SLTM: variants seen among roughly 807,000 people sequenced by gnomAD.
SLTM encodes the protein SAFB like transcription modulator, also known as SAFB-like transcription modulator.
Under a neutral mutation model 134.6 loss-of-function variants are expected in SLTM, and 43 were observed. The observed-to-expected ratio is 0.32, with a 90% confidence interval of 0.25 to 0.41. The LOEUF (loss-of-function observed/expected upper bound fraction) is 0.41. Ranked by LOEUF, SLTM falls within the 10% of genes least tolerant of loss-of-function variation. The pLI is 1.00. For missense variants in SLTM, 1,055 were observed against 1,288.8 expected, an observed-to-expected ratio of 0.82 and a Z score of 2.78; for synonymous variants, 424 against 432.3, an observed-to-expected ratio of 0.98 and a Z score of 0.24.
intron 3 of SLTM, among the ~76,000 whole-genome samples, chr15:58,914,295 C>G (rs2036480830): frequency 6.6e-6 from 1 of 152,160 alleles, no homozygotes; most frequent in Non-Finnish European, 1.5e-5. Context: ...CAGCAATCTG[C>G]TTAATTTCCT....
intron 17 of SLTM, 126 bp downstream of exon 17, chr15:58,888,258 CA>C (rs1481899260): frequency 2.7e-6 from 2 of 742,848 alleles, no homozygotes; most frequent in Non-Finnish European, 4.1e-6. Context: ...TTAACAGAAA[CA>C]AAAACCACGT....
intron 19 of SLTM, among the ~76,000 whole-genome samples, chr15:58,886,270 T>C (rs1233322095): frequency 6.8e-6 from 1 of 147,470 alleles, no homozygotes; most frequent in African/African-American, 2.5e-5. Context: ...TGTGTGTATT[T>C]TTTTTTTTTT....
chr15:58,890,508 T>A, intron 14 of SLTM, 47 bp from the exon 15 acceptor site: 1 of 1,534,032 alleles, frequency 6.5e-7, no homozygotes, highest in Non-Finnish European at 8.8e-7. Context: ...GCTAGCACTG[T>A]GTGAAAGAGA....
At position 58,879,809 on chromosome 15, in the gene SLTM, C is replaced by G; in HGVS notation, c.*190G>C. ...AAAAAAAGTTGAATGATACACAAAACTATTAAAAGTTACAACAGAACTATT... is the reference window on the plus strand; with the variant it reads ...AAAAAAAGTTGAATGATACACAAAAGTATTAAAAGTTACAACAGAACTATT... On this transcript the variant is annotated 3_prime_UTR_variant, in exon 21 of 21. Transcript: ENST00000380516. The G allele has an allele frequency of 1.5e-6, 1 of 657,784 alleles. No homozygotes were observed. Among genetic ancestry groups the G allele is most frequent in the South Asian group, 2.9e-5 (1 of 34,154 alleles). The allele number at this position is 657,784 out of a possible 1,614,324, so 40.7% of individuals were successfully genotyped here. A position where few individuals can be genotyped will look rare whatever the true frequency, so the allele number is the denominator to read the frequency against.
chr15:58,899,420 T>C lies in SLTM; in HGVS notation c.1058+49A>G, dbSNP rs763546491. 1.4e-5 allele frequency: 20 copies of C among 1,471,554 alleles called. No homozygotes were observed. Among genetic ancestry groups the C allele is most frequent in the African/African-American group, 4.2e-5 (3 of 71,936 alleles). The allele number at this position is 1,471,554 out of a possible 1,614,324, so 91.2% of individuals were successfully genotyped here. On this transcript the variant is annotated intron_variant, in intron 7 of 20. Coordinates refer to ENST00000380516, the MANE Select transcript of SLTM (RefSeq NM_024755.4). The surrounding 1 kb of genome is among the most constrained non-coding windows in gnomAD (Gnocchi z 5.0). ...ACCCCCTTAATGTAGAGTGATCTTA[T>C]TGAATGCTGGAATTCAGTATCGTAA...
At chr15:58,917,121 A>T (rs1161413949) in intron 2 of SLTM, 122 bp from the exon 3 acceptor site, 1 of 881,420 alleles carries the variant, frequency 1.1e-6, no homozygotes, top group Non-Finnish European at 1.8e-6. Flanking sequence ...GCTAATGTCA[A>T]CTGCTTCTAA....
rs527661691 is a variant in SLTM at position 58,881,107 on chromosome 15, T to C, written c.2997-1000A>G. Among the ~76,000 whole-genome samples the C allele has an allele frequency of 1.3e-4, 20 of 151,860 alleles. No individual in the cohort carries two copies. In the East Asian group the frequency reaches 2.2e-3, roughly 16 times the overall value. On this transcript the variant is annotated intron_variant, in intron 20 of 20. Transcript: ENST00000380516. Reference sequence around the variant, plus strand: ...GCCGAGGCGGGCGGATCAAGGAGAATTGCCTGAACCCGGGAGGCAGAGGTT... The same window carrying C: ...GCCGAGGCGGGCGGATCAAGGAGAACTGCCTGAACCCGGGAGGCAGAGGTT...
At chr15:58,913,759 G>A (rs757736189) in intron 3 of SLTM, 63 bp from the exon 4 acceptor site, 4 of 1,331,222 alleles carry the variant, frequency 3.0e-6, no homozygotes, top group East Asian at 2.3e-5. Context: ...TCCACCAAAC[G>A]TTTTTGGTAA....
intron 5 of SLTM, among the ~76,000 whole-genome samples, chr15:58,904,479 A>G (rs1298590448): frequency 1.3e-5 from 2 of 152,194 alleles, no homozygotes; most frequent in Non-Finnish European, 2.9e-5. Context: ...CAGAACAAGT[A>G]AATGATCAAT....
chr15:58,920,282 C>G (rs2036933656), intron 2 of SLTM, among the ~76,000 whole-genome samples: 1 of 151,852 alleles, frequency 6.6e-6, no homozygotes, highest in African/African-American at 2.4e-5. Context: ...GATCGCCCCA[C>G]TGCACTCATG....
chr15:58,933,436 C>A lies in SLTM; in HGVS notation c.130G>T (p.Val44Phe). The A allele has an allele frequency of 6.3e-7, 1 of 1,593,190 alleles. No homozygotes were observed. The highest frequency in any genetic ancestry group is 1.1e-5 in the South Asian group (1 of 88,770). The change falls in exon 1 of 21, where the codon GTC becomes TTC. Residue 44 changes from valine (V) to phenylalanine (F), a missense_variant. By Grantham distance (50) the Val-to-Phe change is conservative (BLOSUM62 -1). This residue lies in a region of SLTM where 268 missense variants were observed against 284.3 expected (regional missense o/e 0.94). Transcript: ENST00000380516. ...AGTCGGGAGATGAGCACGGTCTTGA[C>A]TCCGGTGATGTCTAAGTTCCGCCGC... ...LKRRNLDITGVKTVLISRLKQ... is the reference protein window; with the variant it reads ...LKRRNLDITGFKTVLISRLKQ...
rs541512244 is a variant in SLTM at position 58,909,979 on chromosome 15, C to T, written c.561+2584G>A. On this transcript the variant is annotated intron_variant, in intron 5 of 20. Transcript: ENST00000380516. ...AACCTCCTAAAACATTTCAATCAAT[C>T]ACAACATACAGATCTTACTGGTATC... Among the ~76,000 whole-genome samples the T allele has an allele frequency of 3.5e-4, 54 of 152,270 alleles. 1 individual carries two copies. Among genetic ancestry groups the T allele is most frequent in the Middle Eastern group, 6.8e-3 (2 of 294 alleles).
At chr15:58,930,766 C>CAT (rs1276498872) in intron 2 of SLTM, among the ~76,000 whole-genome samples, 1 of 147,596 alleles carries the variant, frequency 6.8e-6, no homozygotes, top group Non-Finnish European at 1.5e-5. Context: ...ATCTATATAT[C>CAT]ATATATATAG....
At chr15:58,881,157 G>A (rs2033673541) in intron 20 of SLTM, among the ~76,000 whole-genome samples, 1 of 151,910 alleles carries the variant, frequency 6.6e-6, no homozygotes, top group African/African-American at 2.4e-5. Context: ...TCATGCCAAT[G>A]CACCCCAGCC....
intron 3 of SLTM, 42 bp downstream of exon 3, chr15:58,916,893 G>T: frequency 6.5e-7 from 1 of 1,549,102 alleles, no homozygotes; most frequent in South Asian, 1.1e-5. Flanking sequence ...CAAAATACTA[G>T]GCTTAAAATA....
At chr15:58,903,307 T>C (rs2035624614) in intron 5 of SLTM, among the ~76,000 whole-genome samples, 1 of 152,176 alleles carries the variant, frequency 6.6e-6, no homozygotes, top group Non-Finnish European at 1.5e-5. Flanking sequence ...AGTGCTGGGA[T>C]TACAGGCATG....
intron 16 of SLTM, 81 bp from the exon 17 acceptor site, chr15:58,888,636 C>T (rs2034417992): frequency 2.2e-6 from 3 of 1,371,096 alleles, no homozygotes; most frequent in Non-Finnish European, 3.0e-6. Flanking sequence ...ATACATACCA[C>T]ATGTTAGAAC....
At chr15:58,886,934 G>A in intron 19 of SLTM, 41 bp downstream of exon 19, 1 of 1,610,526 alleles carries the variant, frequency 6.2e-7, no homozygotes, top group Non-Finnish European at 8.5e-7. Context: ...TCCTCTAAAT[G>A]TATGTGTGCA....
chr15:58,922,566 ATATATAT>A (rs1567158377), intron 2 of SLTM, among the ~76,000 whole-genome samples: 2,204 of 137,372 alleles, frequency 0.016, 64 homozygotes, highest in African/African-American at 0.055. Flanking sequence ...TATGTATATA[ATATATAT>A]TATATACGTA....
Sources: allele counts gnomAD v4.1 joint callset (sites outside exome capture counted in the v4.1 genomes callset), GRCh38; gene constraint gnomAD v4.1.1; regional missense constraint gnomAD v4.1.1; non-coding constraint Gnocchi (gnomAD v3.1); transcripts MANE v1.5; gene names NCBI Gene and HGNC (gene_info 2026-07-23, HGNC 2026-07-21).